The following CA10 variants were observed in gnomAD, a reference collection of about 807,000 sequenced individuals.
CA10 encodes the protein carbonic anhydrase 10 (inactive), also known as carbonic anhydrase-related protein 10.
A neutral mutation model predicts 44.2 loss-of-function variants in CA10; 14 were observed. The ratio of observed to expected loss-of-function variants is 0.32; its 90% CI spans 0.21 to 0.50. The LOEUF (loss-of-function observed/expected upper bound fraction) is 0.50, where lower values mean the gene tolerates loss of function less well. CA10 is among the 20% of genes least tolerant of loss of function. CA10 has a pLI of 0.99. For missense variants in CA10, 350 were observed against 409.7 expected (o/e 0.85, Z 1.26); for synonymous variants, 159 against 141.6 (o/e 1.12, Z -0.87).
intron 2 of CA10, among the ~76,000 whole-genome samples, chr17:52,057,930 AT>A: frequency 6.6e-6 from 1 of 152,122 alleles, no homozygotes; most frequent in Middle Eastern, 3.4e-3. Context: ...CAAGAGGTTG[AT>A]TAGCTAGAAC....
chr17:51,828,952 A>G (rs549616676), intron 3 of CA10, among the ~76,000 whole-genome samples: 1 of 152,226 alleles, frequency 6.6e-6, no homozygotes, highest in African/African-American at 2.4e-5. Flanking sequence ...AGCTATTTTC[A>G]TTACATCACA....
intron 7 of CA10, among the ~76,000 whole-genome samples, chr17:51,635,113 A>C (rs1248256386): frequency 6.6e-6 from 1 of 152,180 alleles, no homozygotes; most frequent in Non-Finnish European, 1.5e-5. Context: ...GGAATGAGCT[A>C]AGACAAGCTT....
intron 3 of CA10, among the ~76,000 whole-genome samples, chr17:51,896,488 A>T (rs991962308): frequency 6.6e-6 from 1 of 152,076 alleles, no homozygotes; most frequent in Admixed American, 6.6e-5. Context: ...TCTAATGTTG[A>T]TGGACATTTA....
chr17:51,651,638 C>T (rs184474214), intron 5 of CA10, among the ~76,000 whole-genome samples: 221 of 152,276 alleles, frequency 1.5e-3, no homozygotes, highest in African/African-American at 4.6e-3. Context: ...TAGGAATGAA[C>T]ATTTCTGTAG....
chr17:51,686,443 A>G (rs529384193), intron 4 of CA10, among the ~76,000 whole-genome samples: 3 of 152,200 alleles, frequency 2.0e-5, no homozygotes, highest in Admixed American at 6.5e-5. Context: ...AGAATCATCT[A>G]TACCCTGAAG....
chr17:51,840,478 T>TACACAC (rs3033576), intron 3 of CA10, among the ~76,000 whole-genome samples: 93 of 146,730 alleles, frequency 6.3e-4, no homozygotes, highest in East Asian at 4.3e-3. Context: ...CAACCTTTAA[T>TACACAC]ACACACACAC....
intron 3 of CA10, among the ~76,000 whole-genome samples, chr17:51,846,262 T>A (rs1272922006): frequency 6.6e-6 from 1 of 152,210 alleles, no homozygotes; most frequent in Admixed American, 6.5e-5. Flanking sequence ...ACTGCATCCA[T>A]CCAATGTTGA....
chr17:51,659,351 G>A (rs1355281218), intron 4 of CA10, among the ~76,000 whole-genome samples: 1 of 151,890 alleles, frequency 6.6e-6, no homozygotes, highest in Non-Finnish European at 1.5e-5. Context: ...TTGGGATTGG[G>A]GATTACACCA....
intron 4 of CA10, among the ~76,000 whole-genome samples, chr17:51,655,063 T>TA (rs1054175953): frequency 2.8e-4 from 43 of 152,256 alleles, no homozygotes; most frequent in Middle Eastern, 3.4e-3. Context: ...CAGTAACTGT[T>TA]AAAAAAACAG....
At chr17:51,792,585 A>C (rs181933068) in intron 3 of CA10, among the ~76,000 whole-genome samples, 2 of 152,340 alleles carry the variant, frequency 1.3e-5, no homozygotes, top group Admixed American at 1.3e-4. Flanking sequence ...TCATCCTAGC[A>C]TGCTGTTAAT....
chr17:51,675,282 GGGCATGGT>G, intron 4 of CA10, among the ~76,000 whole-genome samples: 1 of 152,240 alleles, frequency 6.6e-6, no homozygotes, highest in South Asian at 2.1e-4. Context: ...GTTCTCAGTC[GGGCATGGT>G]GGCTCATGCC....
chr17:51,842,284 G>A (rs1202149201), intron 3 of CA10, among the ~76,000 whole-genome samples: 1 of 152,138 alleles, frequency 6.6e-6, no homozygotes, highest in Non-Finnish European at 1.5e-5. Context: ...CACAAAGGAT[G>A]CTGTTAGAAT....
At chr17:51,728,591 T>C (rs568505956) in intron 4 of CA10, among the ~76,000 whole-genome samples, 1 of 152,322 alleles carries the variant, frequency 6.6e-6, no homozygotes, top group African/African-American at 2.4e-5. Flanking sequence ...GGCTTATGGA[T>C]TTTTGGATAC....
At chr17:51,847,788 C>G (rs576944196) in intron 3 of CA10, among the ~76,000 whole-genome samples, 1 of 152,254 alleles carries the variant, frequency 6.6e-6, no homozygotes, top group South Asian at 2.1e-4. Context: ...CCCTTGGGGA[C>G]TGAGAAGCTC....
At chr17:52,060,964 C>T (rs925713955) in intron 2 of CA10, among the ~76,000 whole-genome samples, 1 of 152,102 alleles carries the variant, frequency 6.6e-6, no homozygotes, top group Non-Finnish European at 1.5e-5. Flanking sequence ...AATGAAGTAA[C>T]ATGAGTAAAC....
chr17:52,040,658 A>G (rs986112303), intron 2 of CA10, among the ~76,000 whole-genome samples: 1 of 152,114 alleles, frequency 6.6e-6, no homozygotes, highest in African/African-American at 2.4e-5. Context: ...TCTGAAAAAA[A>G]TGTTTCCAGA....
intron 3 of CA10, among the ~76,000 whole-genome samples, chr17:51,855,027 G>C (rs1978977420): frequency 6.6e-6 from 1 of 152,146 alleles, no homozygotes. Context: ...TTGGTTCTGG[G>C]GAAGGTTGAG....
chr17:51,842,954 C>A (rs1010640737), intron 3 of CA10, among the ~76,000 whole-genome samples: 7 of 152,186 alleles, frequency 4.6e-5, no homozygotes, highest in African/African-American at 1.7e-4. Context: ...TGCACATATG[C>A]AGGCTTATTA....
chr17:51,810,106 T>C (rs1907297894), intron 3 of CA10, among the ~76,000 whole-genome samples: 1 of 152,176 alleles, frequency 6.6e-6, no homozygotes, highest in Non-Finnish European at 1.5e-5. Flanking sequence ...GTAGTAGTCA[T>C]CCAGTCATTT....
Sources: allele counts gnomAD v4.1 joint callset (sites outside exome capture counted in the v4.1 genomes callset), GRCh38; gene constraint gnomAD v4.1.1; transcripts MANE v1.5; gene names NCBI Gene and HGNC (gene_info 2026-07-23, HGNC 2026-07-21).